Variants in FIGNL2 observed in about 807,000 individuals in gnomAD.
FIGNL2 encodes fidgetin like 2.
For synonymous variants in FIGNL2, 565 were observed against 484.0 expected (o/e 1.17, Z -2.20); for missense variants, 1,060 against 950.2 (o/e 1.12, Z -1.52).
At chr12:51,826,760 A>G (rs548457230) in intron 1 of FIGNL2, among the ~76,000 whole-genome samples, 2 of 152,180 alleles carry the variant, frequency 1.3e-5, no homozygotes, top group Non-Finnish European at 2.9e-5. Context: ...GAAAGAACTC[A>G]GCTGCCAAAG....
chr12:51,844,554 C>T lies in FIGNL2; in HGVS notation c.-12+3986G>A, dbSNP rs12582433. On this transcript the variant is annotated intron_variant, in intron 1 of 1. Transcript: ENST00000618634. ...CAGGTCTCCCAGCTCTGACTCCTTT[C>T]ATCCTCACAATATCCTGCTTAGGAG... The T allele has an allele frequency of 4.5e-3, 1,722 of 381,610 alleles. 156 individuals are homozygous for T. The East Asian group carries it at 0.21, about 46-fold the overall frequency. 23.6% of individuals were successfully genotyped at this position (381,610 alleles called of 1,614,324 possible).
Position 51,821,592 on chromosome 12 carries a change from GGGC to G in FIGNL2, c.819_821del (p.Pro274del). On this transcript the variant is annotated inframe_deletion, in exon 2 of 2. Transcript: ENST00000618634. ...ACGCGTACTTGCGGTAGCGGCCCTC[GGGC>G]CCCTCGTCGGCGGCCTTGCGCTTCA... The G allele has an allele frequency of 1.3e-6, 2 of 1,511,058 alleles. No individual in the cohort carries two copies. Among genetic ancestry groups the G allele is most frequent in the Non-Finnish European group, 1.8e-6 (2 of 1,136,028 alleles). The allele number at this position is 1,511,058 out of a possible 1,614,324, so 93.6% of individuals were successfully genotyped here. A position where few individuals can be genotyped will look rare whatever the true frequency, so the allele number is the denominator to read the frequency against.
chr12:51,848,075 C>G, intron 1 of FIGNL2: 1 of 921,794 alleles, frequency 1.1e-6, no homozygotes, highest in Non-Finnish European at 1.3e-6. Flanking sequence ...ACCCAGCCCC[C>G]ACCCCTCCCA....
chr12:51,820,100 G>A lies in FIGNL2; in HGVS notation c.*352C>T. On this transcript the variant is annotated 3_prime_UTR_variant, in exon 2 of 2. Transcript: ENST00000618634. ...GATGGAGAGAGTGAGGGAGAAGGAG[G>A]GTGCCATTCAGATAGCGAGGAGACA... 3.4e-6 allele frequency: 1 copy of A among 293,736 alleles called. No individual in the cohort carries two copies. Among genetic ancestry groups the A allele is most frequent in the Non-Finnish European group, 6.4e-6 (1 of 156,524 alleles). 18.2% of individuals were successfully genotyped at this position (293,736 alleles called of 1,614,324 possible). A position where few individuals can be genotyped will look rare whatever the true frequency, so the allele number is the denominator to read the frequency against.
Position 51,821,126 on chromosome 12 carries a change from G to A in FIGNL2, c.1288C>T (p.Leu430Phe), listed in dbSNP as rs1265317800. Reference sequence around the variant, plus strand: ...TTGCCCGCGCCCCGCGGCCCAAAGAGCAGGACGGTCCGCGGCGGGCGCAGG... The same window carrying A: ...TTGCCCGCGCCCCGCGGCCCAAAGAACAGGACGGTCCGCGGCGGGCGCAGG... ...GSLRPPRTVL[L>F]FGPRGAGKAL... is the part of the protein sequence containing the mutation. The change falls in exon 2 of 2, where the codon CTC (leucine) becomes TTC (phenylalanine). Residue 430 changes from leucine (L) to phenylalanine (F), a missense_variant. Transcript: ENST00000618634. 1.4e-6 allele frequency: 2 copies of A among 1,447,938 alleles called. No homozygotes were observed. Among genetic ancestry groups the A allele is most frequent in the East Asian group, 5.9e-5 (2 of 33,812 alleles). 89.7% of individuals were successfully genotyped at this position (1,447,938 alleles called of 1,614,324 possible).
In FIGNL2 at chr12:51,821,878, AG is replaced by A; in HGVS notation, c.535del (p.Leu179CysfsTer53). On this transcript the variant is annotated frameshift_variant, in exon 2 of 2. Coordinates refer to ENST00000618634, the MANE Select transcript of FIGNL2 (RefSeq NM_001384995.1). LOFTEE classifies it low-confidence loss of function (END_TRUNC). ...GAGCGCGGCCGGGGGCGGCGGGGGCAGCGCGGCGCCCGTCTGCGCGCAGTAA... is the reference window on the plus strand; with the variant it reads ...GAGCGCGGCCGGGGGCGGCGGGGGCACGCGGCGCCCGTCTGCGCGCAGTAA... Reference protein sequence around the residue: ...PGYCAQTGAALPPPPPAALLQ... With the variant: ...PGYCAQTGAAXPPPPPAALLQ... 1 of 1,321,890 alleles carries A rather than the reference AG, an allele frequency of 7.6e-7. No individual in the cohort carries two copies. Among genetic ancestry groups the A allele is most frequent in the Admixed American group, 4.2e-5 (1 of 23,876 alleles). The allele number at this position is 1,321,890 out of a possible 1,614,324, so 81.9% of individuals were successfully genotyped here. A position where few individuals can be genotyped will look rare whatever the true frequency, so the allele number is the denominator to read the frequency against.
rs1260973372 is a variant in FIGNL2 at position 51,820,680 on chromosome 12, G to A, written c.1734C>T (p.Leu578=). Reference sequence around the variant, plus strand: ...CCAGCGCCGCCAGTTCCCGCTCACTGAGCGCGCAGCCCTGCTGGGCCAGCG... The same window carrying A: ...CCAGCGCCGCCAGTTCCCGCTCACTAAGCGCGCAGCCCTGCTGGGCCAGCG... The part of the protein sequence containing the change: ...QRALAQQGCA[L]SERELAALVQ... Residue 578 remains leucine, a synonymous_variant, in exon 2 of 2, where the codon CTC becomes CTT. Coordinates refer to ENST00000618634, the MANE Select transcript of FIGNL2 (RefSeq NM_001384995.1). 6.6e-6 allele frequency: 10 copies of A among 1,512,566 alleles called. No homozygotes were observed. The South Asian group carries it at 7.3e-5, about 11-fold the overall frequency. 93.7% of individuals were successfully genotyped at this position (1,512,566 alleles called of 1,614,324 possible).
At chr12:51,826,177 C>T (rs1019526759) in intron 1 of FIGNL2, among the ~76,000 whole-genome samples, 2 of 152,146 alleles carry the variant, frequency 1.3e-5, no homozygotes, top group African/African-American at 4.8e-5. Context: ...GCCCGCCCCC[C>T]CCACACAGTT....
At position 51,821,695 on chromosome 12, in the gene FIGNL2, G is replaced by T. The variant is rs907882930; in HGVS notation, c.719C>A (p.Pro240His). The T allele has an allele frequency of 2.2e-6, 3 of 1,356,524 alleles. No homozygotes were observed. The highest frequency in any genetic ancestry group is 2.7e-4 in the Middle Eastern group (1 of 3,676). The allele number at this position is 1,356,524 out of a possible 1,614,324, so 84.0% of individuals were successfully genotyped here. ...YLTPGLPAPT[P>H]LPAPAPPTAY... ...GGTGGGCGGTGCCGGCGCGGGCAGG[G>T]GCGTGGGCGCGGGCAGGCCCGGGGT... The change falls in exon 2 of 2, where the codon CCC (proline) becomes CAC (histidine). Residue 240 changes from proline to histidine, a missense_variant. By Grantham distance (77) the Pro-to-His change is moderately conservative (BLOSUM62 -2). Coordinates refer to ENST00000618634, the MANE Select transcript of FIGNL2 (RefSeq NM_001384995.1).
At chr12:51,826,333 A>G (rs1939342058) in intron 1 of FIGNL2, among the ~76,000 whole-genome samples, 1 of 152,098 alleles carries the variant, frequency 6.6e-6, no homozygotes, top group Non-Finnish European at 1.5e-5. Flanking sequence ...GATCCTTTCA[A>G]TAATCTAACC....
chr12:51,846,407 C>CA (rs1939750856), intron 1 of FIGNL2, among the ~76,000 whole-genome samples: 2 of 152,188 alleles, frequency 1.3e-5, no homozygotes, highest in African/African-American at 4.8e-5. Flanking sequence ...GGAGCAAAGG[C>CA]AGAGAGGCGT....
chr12:51,827,228 A>G (rs951508087), intron 1 of FIGNL2, among the ~76,000 whole-genome samples: 6 of 152,182 alleles, frequency 3.9e-5, no homozygotes, highest in East Asian at 1.9e-4. Context: ...TCACACTCCA[A>G]TGATCAGTGA....
intron 1 of FIGNL2, among the ~76,000 whole-genome samples, chr12:51,825,611 A>G (rs1170646935): frequency 7.0e-6 from 1 of 143,308 alleles, no homozygotes; most frequent in Non-Finnish European, 1.5e-5. Context: ...GAACTTGTCC[A>G]TGACACTCTT....
At chr12:51,827,903 G>T (rs1163236062) in intron 1 of FIGNL2, among the ~76,000 whole-genome samples, 2 of 152,200 alleles carry the variant, frequency 1.3e-5, no homozygotes, top group East Asian at 1.9e-4. Context: ...CCCAGATGAG[G>T]AGACTGAGGT....
At position 51,820,081 on chromosome 12, in the gene FIGNL2, G is replaced by A. The variant is rs1259172682; in HGVS notation, c.*371C>T. ...AAGAGAATGCAGAGAATGGGATGGA[G>A]AGAGTGAGGGAGAAGGAGGGTGCCA... On this transcript the variant is annotated 3_prime_UTR_variant, in exon 2 of 2. Transcript: ENST00000618634. 1 of 264,562 alleles carries A rather than the reference G, an allele frequency of 3.8e-6. No homozygotes were observed. Among genetic ancestry groups the A allele is most frequent in the African/African-American group, 2.3e-5 (1 of 42,742 alleles). The allele number at this position is 264,562 out of a possible 1,614,324, so 16.4% of individuals were successfully genotyped here. A position where few individuals can be genotyped will look rare whatever the true frequency, so the allele number is the denominator to read the frequency against.
At chr12:51,845,089 A>AT (rs1939722421) in intron 1 of FIGNL2, among the ~76,000 whole-genome samples, 1 of 152,146 alleles carries the variant, frequency 6.6e-6, no homozygotes. Context: ...ACGGAAGTGC[A>AT]TTTTTCTGGG....
At chr12:51,833,714 C>T (rs534592) in intron 1 of FIGNL2, among the ~76,000 whole-genome samples, 55,826 of 152,112 alleles carry the variant, frequency 0.37, 10,376 homozygotes, top group Middle Eastern at 0.47. Flanking sequence ...TCTGCTTAGC[C>T]GTTGCCTCGG....
At chr12:51,834,106 TGGTTGGATGGATGGA>T (rs1939534189) in intron 1 of FIGNL2, among the ~76,000 whole-genome samples, 2 of 132,810 alleles carry the variant, frequency 1.5e-5, no homozygotes, top group African/African-American at 3.0e-5. Context: ...GGTGGATGGA[TGGTTGGATGGATGGA>T]TGGATGGATG....
chr12:51,825,652 T>C (rs1434964815), intron 1 of FIGNL2: 9 of 150,820 alleles, frequency 6.0e-5, no homozygotes, highest in Admixed American at 5.3e-4. Flanking sequence ...AGTCTCGCTC[T>C]GTCGCCCAGG....
Sources: allele counts gnomAD v4.1 joint callset (sites outside exome capture counted in the v4.1 genomes callset), GRCh38; gene constraint gnomAD v4.1.1; transcripts MANE v1.5; gene names NCBI Gene and HGNC (gene_info 2026-07-23, HGNC 2026-07-21).